The following C5orf22 variants were observed in gnomAD, a reference collection of about 807,000 sequenced individuals.
The protein encoded by C5orf22 is chromosome 5 open reading frame 22.
A neutral mutation model predicts 48.7 loss-of-function variants in C5orf22; 36 were observed. The ratio of observed to expected loss-of-function variants is 0.74; its 90% CI spans 0.57 to 0.98. The LOEUF is 0.98. Among genes scored for constraint, C5orf22 ranks in the 50% least tolerant of loss-of-function variants. C5orf22 has a pLI of 0.00. For missense variants in C5orf22, 486 were observed against 521.9 expected, an observed-to-expected ratio of 0.93 and a Z score of 0.67; for synonymous variants, 141 against 180.8, an observed-to-expected ratio of 0.78 and a Z score of 1.76.
intron 7 of C5orf22, among the ~76,000 whole-genome samples, chr5:31,549,890 A>G (rs1743138040): frequency 1.3e-5 from 2 of 152,102 alleles, no homozygotes; most frequent in East Asian, 3.9e-4. Context: ...AGAGAAAGAA[A>G]ATGCTTTGAA....
intron 3 of C5orf22, among the ~76,000 whole-genome samples, chr5:31,536,387 G>A (rs1742095533): frequency 6.6e-6 from 1 of 152,160 alleles, no homozygotes; most frequent in African/African-American, 2.4e-5. Context: ...GCCGGGCGTG[G>A]TGGCAGGCGC....
At position 31,538,393 on chromosome 5, in the gene C5orf22, A is replaced by G. The variant is rs749357837; in HGVS notation, c.511A>G (p.Asn171Asp). ...PYKLCNNQEE[N>D]DAVSSAKKPK... ...TAAACTCTGTAACAATCAAGAAGAA[A>G]ACGATGCAGTGTCTTCTGCTAAGAA... Residue 171 changes from asparagine to aspartate, a missense_variant, in exon 4 of 9, where the codon AAC becomes GAC. Asn to Asp is a conservative substitution (Grantham distance 23). This residue lies in a region of C5orf22 where 408 missense variants were observed against 444.0 expected (regional missense o/e 0.92). Transcript: ENST00000325366. 9.9e-6 allele frequency: 16 copies of G among 1,614,108 alleles called. No homozygotes were observed. The highest frequency in any genetic ancestry group is 1.2e-5 in the Non-Finnish European group (14 of 1,180,042).
intron 7 of C5orf22, among the ~76,000 whole-genome samples, chr5:31,547,277 G>A (rs1486096128): frequency 3.9e-5 from 6 of 152,346 alleles, no homozygotes; most frequent in South Asian, 2.1e-4. Context: ...GTGGCTTTGC[G>A]GGATACAACC....
intron 6 of C5orf22, among the ~76,000 whole-genome samples, chr5:31,544,231 C>T (rs1742674464): frequency 6.6e-6 from 1 of 152,138 alleles, no homozygotes; most frequent in South Asian, 2.1e-4. Context: ...GGAATTAAAA[C>T]ACTAGAAGCA....
intron 6 of C5orf22, among the ~76,000 whole-genome samples, 157 bp downstream of exon 6, chr5:31,541,559 C>T (rs1377014737): frequency 6.6e-6 from 1 of 152,086 alleles, no homozygotes; most frequent in Non-Finnish European, 1.5e-5. Context: ...AGTTCCAGAC[C>T]AGCCTGGGTA....
In C5orf22 at chr5:31,541,298, T is replaced by C. The variant is rs1277906951; in HGVS notation, c.888T>C (p.Ile296=). The C allele has an allele frequency of 6.2e-7, 1 of 1,611,262 alleles. No individual in the cohort carries two copies. Among genetic ancestry groups the C allele is most frequent in the Non-Finnish European group, 8.5e-7 (1 of 1,177,356 alleles). ...TNLTEEDLVD[I]VDTRIHQLED... ...ATTTAAAGGAAGATTTGGTAGATATTGTTGATACTCGAATTCATCAATTAG... is the reference window on the plus strand; with the variant it reads ...ATTTAAAGGAAGATTTGGTAGATATCGTTGATACTCGAATTCATCAATTAG... The change falls in exon 6 of 9, where the codon ATT becomes ATC. Residue 296 remains isoleucine, a synonymous_variant. Transcript: ENST00000325366.
Position 31,541,489 on chromosome 5 carries a change from A to T in C5orf22, c.992+87A>T, listed in dbSNP as rs1044369375. 4.8e-6 allele frequency: 7 copies of T among 1,449,218 alleles called. No individual in the cohort carries two copies. In the African/African-American group the frequency reaches 5.6e-5, roughly 12 times the overall value. The allele number at this position is 1,449,218 out of a possible 1,614,324, so 89.8% of individuals were successfully genotyped here. A position where few individuals can be genotyped will look rare whatever the true frequency, so the allele number is the denominator to read the frequency against. On this transcript the variant is annotated intron_variant, in intron 6 of 8. Transcript: ENST00000325366. ...TAAATTTGCAAGATACATTGCTTTTAAAAAAGTAGTATTCAGCTACTTGGG... is the reference window on the plus strand; with the variant it reads ...TAAATTTGCAAGATACATTGCTTTTTAAAAAGTAGTATTCAGCTACTTGGG...
At chr5:31,537,355 G>A (rs1561320224) in intron 3 of C5orf22, among the ~76,000 whole-genome samples, 1 of 152,194 alleles carries the variant, frequency 6.6e-6, no homozygotes, top group Non-Finnish European at 1.5e-5. Context: ...GAACATGGGA[G>A]AACTGCTGTT....
chr5:31,551,349 A>C lies in C5orf22; in HGVS notation c.1116A>C (p.Thr372=). Residue 372 remains threonine (T), a synonymous_variant, in exon 8 of 9, where the codon ACA becomes ACC. Transcript: ENST00000325366. Reference sequence around the variant, plus strand: ...CAGAACTTCCTCACCATATCAGCACAGAACAAGAAATAGAGTGTCTTATTC... The same window carrying C: ...CAGAACTTCCTCACCATATCAGCACCGAACAAGAAATAGAGTGTCTTATTC... ...DYSELPHHIS[T]EQEIECLIQS... is the part of the protein sequence containing the mutation. 3 of 1,613,664 alleles carry C rather than the reference A, an allele frequency of 1.9e-6. No individual in the cohort carries two copies. Among genetic ancestry groups the C allele is most frequent in the Non-Finnish European group, 2.5e-6 (3 of 1,179,750 alleles).
chr5:31,550,080 A>G (rs1743156782), intron 7 of C5orf22, among the ~76,000 whole-genome samples: 1 of 152,162 alleles, frequency 6.6e-6, no homozygotes, highest in Admixed American at 6.5e-5. Flanking sequence ...AGAACGCTAA[A>G]TAGTTTTATC....
rs754222281 is a variant in C5orf22 at position 31,538,704 on chromosome 5, T to C, written c.807+15T>C. Reference sequence around the variant, plus strand: ...TGTTCACTCAGGTAAATAATTGTGTTTTTAACACATAGATCTTGAGAATTG... The same window carrying C: ...TGTTCACTCAGGTAAATAATTGTGTCTTTAACACATAGATCTTGAGAATTG... On this transcript the variant is annotated intron_variant, in intron 4 of 8. Transcript: ENST00000325366. The C allele has an allele frequency of 1.5e-5, 23 of 1,575,392 alleles. No individual in the cohort carries two copies. In the Admixed American group the frequency reaches 3.6e-4, roughly 25 times the overall value.
chr5:31,538,176 C>T lies in C5orf22; in HGVS notation c.378-84C>T, dbSNP rs556958176. 2.7e-5 allele frequency: 27 copies of T among 1,003,922 alleles called. No individual in the cohort carries two copies. In the South Asian group the frequency reaches 3.2e-4, roughly 12 times the overall value. 62.2% of individuals were successfully genotyped at this position (1,003,922 alleles called of 1,614,324 possible). ...GCTCTCAGTTTTTGTCAAATAGGTC[C>T]GTTCTTATATTTCTGCCATACCATA... On this transcript the variant is annotated intron_variant, in intron 3 of 8. Coordinates refer to ENST00000325366, the MANE Select transcript of C5orf22 (RefSeq NM_018356.3).
At chr5:31,551,219 A>G in intron 7 of C5orf22, 74 bp from the exon 8 acceptor site, 2 of 1,391,092 alleles carry the variant, frequency 1.4e-6, no homozygotes, top group Non-Finnish European at 2.0e-6. Context: ...ATTTGTCAAT[A>G]AGGCCATTAA....
chr5:31,545,794 T>A, intron 7 of C5orf22, 82 bp downstream of exon 7: 1 of 915,732 alleles, frequency 1.1e-6, no homozygotes, highest in Non-Finnish European at 1.7e-6. Context: ...TTTGTTAAAG[T>A]GGTTCGTTTT....
intron 4 of C5orf22, among the ~76,000 whole-genome samples, chr5:31,540,006 G>A (rs1002668531): frequency 1.3e-5 from 2 of 152,040 alleles, no homozygotes; most frequent in South Asian, 2.1e-4. Flanking sequence ...AGTCGTGATC[G>A]CACCCCTGCA....
rs1254826372 is a variant in C5orf22 at position 31,554,971 on chromosome 5, C to T, written c.*2069C>T. 1 of 152,100 alleles carries T rather than the reference C, an allele frequency of 6.6e-6. No individual in the cohort carries two copies. Among genetic ancestry groups the T allele is most frequent in the Non-Finnish European group, 1.5e-5 (1 of 68,022 alleles). 9.4% of individuals were successfully genotyped at this position (152,100 alleles called of 1,614,324 possible). A position where few individuals can be genotyped will look rare whatever the true frequency, so the allele number is the denominator to read the frequency against. ...TGTGTTTCATTTGTGTTCTGAGTAC[C>T]AGTGAGGGGATACCGTGGTACAGTG... On this transcript the variant is annotated 3_prime_UTR_variant, in exon 9 of 9. Transcript: ENST00000325366.
At chr5:31,543,633 ATTCCCT>A (rs2150076549) in intron 6 of C5orf22, among the ~76,000 whole-genome samples, 1 of 152,288 alleles carries the variant, frequency 6.6e-6, no homozygotes, top group African/African-American at 2.4e-5. Flanking sequence ...TTCTAAAATG[ATTCCCT>A]GTTTTTTGAA....
At position 31,538,456 on chromosome 5, in the gene C5orf22, T is replaced by C; in HGVS notation, c.574T>C (p.Ser192Pro). Residue 192 changes from serine (S) to proline (P), a missense_variant, in exon 4 of 9, where the codon TCT (serine) becomes CCT (proline). Coordinates refer to ENST00000325366, the MANE Select transcript of C5orf22 (RefSeq NM_018356.3). Reference sequence around the variant, plus strand: ...CCTGGAAGATTCGGAAAACACTGCCTCTACTAACTGTGACTCTTCTTCAGA... The same window carrying C: ...CCTGGAAGATTCGGAAAACACTGCCCCTACTAACTGTGACTCTTCTTCAGA... The part of the protein sequence containing the change: ...LALEDSENTA[S>P]TNCDSSSEGL... The C allele has an allele frequency of 6.2e-7, 1 of 1,614,148 alleles. No individual in the cohort carries two copies. The highest frequency in any genetic ancestry group is 1.1e-5 in the South Asian group (1 of 91,078).
chr5:31,552,974 G>A lies in C5orf22; in HGVS notation c.*72G>A, dbSNP rs1743380423. On this transcript the variant is annotated 3_prime_UTR_variant, in exon 9 of 9. Transcript: ENST00000325366. ...GCCCTTAATTAACTTATTTGTACAT[G>A]AGTCTTCCAGAGAACACTGTTTTAT... The A allele has an allele frequency of 1.5e-6, 2 of 1,321,014 alleles. No individual in the cohort carries two copies. The highest frequency in any genetic ancestry group is 2.1e-6 in the Non-Finnish European group (2 of 939,310). 81.8% of individuals were successfully genotyped at this position (1,321,014 alleles called of 1,614,324 possible).
Sources: allele counts gnomAD v4.1 joint callset (sites outside exome capture counted in the v4.1 genomes callset), GRCh38; gene constraint gnomAD v4.1.1; regional missense constraint gnomAD v4.1.1; transcripts MANE v1.5; gene names NCBI Gene and HGNC (gene_info 2026-07-23, HGNC 2026-07-21).